The following LRRC8B variants were observed in gnomAD, a reference collection of about 807,000 sequenced individuals.
LRRC8B encodes the protein leucine rich repeat containing 8 VRAC subunit B.
Under a neutral mutation model 58.8 loss-of-function variants are expected in LRRC8B, and 23 were observed. The observed-to-expected ratio is 0.39, with a 90% CI of 0.28 to 0.55. The LOEUF (loss-of-function observed/expected upper bound fraction) is 0.55. Ranked by LOEUF, LRRC8B falls within the 20% of genes least tolerant of loss-of-function variation. LRRC8B has a pLI of 0.62. For missense variants in LRRC8B, 694 were observed against 936.0 expected (o/e 0.74, Z 3.37); for synonymous variants, 359 against 374.1 (o/e 0.96, Z 0.47).
rs1335091104 is a variant in LRRC8B at position 89,593,621 on chromosome 1, A to G, written c.*578A>G. On this transcript the variant is annotated 3_prime_UTR_variant, in exon 6 of 6. Coordinates refer to ENST00000330947, the MANE Select transcript of LRRC8B (RefSeq NM_001369817.2). ...GCACATCCAGGGTGGACTGGGAGCT[A>G]TGAAATGACTAAATTCCTCCTTGCA... The G allele has an allele frequency of 6.6e-6, 1 of 152,464 alleles. No individual in the cohort carries two copies. Among genetic ancestry groups the G allele is most frequent in the Non-Finnish European group, 1.5e-5 (1 of 68,232 alleles). The allele number at this position is 152,464 out of a possible 1,614,324, so 9.4% of individuals were successfully genotyped here.
rs772553099 is a variant in LRRC8B, at chr1:89,584,124, C to T, written c.1474C>T (p.Leu492Phe). 11 of 1,613,346 alleles carry T rather than the reference C, an allele frequency of 6.8e-6. No homozygotes were observed. In the South Asian group the frequency reaches 1.1e-4, roughly 16 times the overall value. Residue 492 changes from leucine to phenylalanine, a missense_variant, in exon 5 of 6, where the codon CTC (leucine) becomes TTC (phenylalanine). Around this residue, in one of 5 missense-constraint regions of LRRC8B, gnomAD observed 162 missense variants for 198.5 expected, o/e 0.82. Transcript: ENST00000330947. ...CTTTCTAGAGGAGAATTTAAAAATC[C>T]TCCGCCTGAAATTTACTGAAATGGG... ...LAFLEENLKILRLKFTEMGKI... is the reference protein window; with the variant it reads ...LAFLEENLKIFRLKFTEMGKI...
chr1:89,552,466 T>TA (rs1651895124), intron 1 of LRRC8B, among the ~76,000 whole-genome samples: 1 of 152,202 alleles, frequency 6.6e-6, no homozygotes, highest in South Asian at 2.1e-4. Flanking sequence ...GTTAGGTACT[T>TA]ATAATAACTC....
At chr1:89,561,598 C>T (rs1282098068) in intron 1 of LRRC8B, among the ~76,000 whole-genome samples, 1 of 94,584 alleles carries the variant, frequency 1.1e-5, no homozygotes, top group Non-Finnish European at 2.1e-5. Flanking sequence ...TTTCAGCTTC[C>T]TACATATGGC....
chr1:89,545,606 A>G (rs910008583), intron 1 of LRRC8B, among the ~76,000 whole-genome samples: 24 of 152,244 alleles, frequency 1.6e-4, no homozygotes, highest in Admixed American at 4.6e-4. Flanking sequence ...AATAAACTCT[A>G]TAAAACCAAT....
intron 1 of LRRC8B, among the ~76,000 whole-genome samples, chr1:89,530,299 C>T (rs1169571374): frequency 6.6e-6 from 1 of 151,740 alleles, no homozygotes; most frequent in Non-Finnish European, 1.5e-5. Context: ...GCGGAGCTTG[C>T]AGTGAGCCGA....
chr1:89,538,492 G>T (rs1408883215), intron 1 of LRRC8B, among the ~76,000 whole-genome samples: 1 of 152,052 alleles, frequency 6.6e-6, no homozygotes, highest in African/African-American at 2.4e-5. Flanking sequence ...TTTCCTTTGG[G>T]GACATTTTAT....
intron 1 of LRRC8B, among the ~76,000 whole-genome samples, chr1:89,529,107 T>C (rs1376979844): frequency 6.6e-6 from 1 of 152,222 alleles, no homozygotes. Flanking sequence ...TAGTATTGTC[T>C]TTCTCACAGG....
chr1:89,567,348 ATTTAC>A (rs1653123122), intron 1 of LRRC8B, among the ~76,000 whole-genome samples: 1 of 152,120 alleles, frequency 6.6e-6, no homozygotes, highest in African/African-American at 2.4e-5. Context: ...ATATTTTGTT[ATTTAC>A]TTTACTTGAC....
At position 89,595,128 on chromosome 1, in the gene LRRC8B, C is replaced by T. The variant is rs1163483927; in HGVS notation, c.*2085C>T. 1.3e-5 allele frequency: 2 copies of T among 152,016 alleles called. No individual in the cohort carries two copies. Among genetic ancestry groups the T allele is most frequent in the African/African-American group, 4.8e-5 (2 of 41,392 alleles). 9.4% of individuals were successfully genotyped at this position (152,016 alleles called of 1,614,324 possible). A position where few individuals can be genotyped will look rare whatever the true frequency, so the allele number is the denominator to read the frequency against. On this transcript the variant is annotated 3_prime_UTR_variant, in exon 6 of 6. Coordinates refer to ENST00000330947, the MANE Select transcript of LRRC8B (RefSeq NM_001369817.2). ...CTCACACATTATTGTTTATTCTGAA[C>T]GGAAAGGAACAGTGTAAAAATAAAC... is the stretch of plus-strand genomic sequence containing the variant.
Position 89,583,319 on chromosome 1 carries a change from C to T in LRRC8B, c.669C>T (p.Ser223=). 1.2e-6 allele frequency: 2 copies of T among 1,614,196 alleles called. No homozygotes were observed. Among genetic ancestry groups the T allele is most frequent in the South Asian group, 1.1e-5 (1 of 91,084 alleles). ...LESAGIESPT[S]SVLDKKEGEQ... ...CAGCTGGCATAGAAAGCCCAACTTC[C>T]AGTGTCCTGGACAAGAAGGAGGGTG... Residue 223 remains serine (S), a synonymous_variant, in exon 5 of 6, where the codon TCC becomes TCT. Coordinates refer to ENST00000330947, the MANE Select transcript of LRRC8B (RefSeq NM_001369817.2). This position sits in a 1 kb window ranked among gnomAD's most constrained non-coding sequence, Gnocchi z 5.2.
chr1:89,528,041 A>G (rs1012995024), intron 1 of LRRC8B, among the ~76,000 whole-genome samples: 3 of 152,140 alleles, frequency 2.0e-5, no homozygotes, highest in Non-Finnish European at 4.4e-5. Flanking sequence ...TGCTTTTGAT[A>G]TGGGTCATGT....
intron 3 of LRRC8B, among the ~76,000 whole-genome samples, chr1:89,577,074 A>G (rs1037236763): frequency 6.6e-6 from 1 of 152,292 alleles, no homozygotes; most frequent in East Asian, 1.9e-4. Flanking sequence ...TTTTGAAGGG[A>G]TATAAGGTGA....
At chr1:89,539,398 A>G (rs1650783514) in intron 1 of LRRC8B, among the ~76,000 whole-genome samples, 1 of 152,198 alleles carries the variant, frequency 6.6e-6, no homozygotes, top group African/African-American at 2.4e-5. Context: ...CTAAAAAGAG[A>G]TCTAGGATTT....
chr1:89,546,702 C>T (rs139751387), intron 1 of LRRC8B, among the ~76,000 whole-genome samples: 194 of 152,308 alleles, frequency 1.3e-3, no homozygotes, highest in Middle Eastern at 6.8e-3. Flanking sequence ...ACTCAACCTC[C>T]TGGCAACAGA....
chr1:89,571,703 G>A (rs186768291), intron 3 of LRRC8B, among the ~76,000 whole-genome samples: 5 of 152,110 alleles, frequency 3.3e-5, no homozygotes, highest in South Asian at 4.2e-4. Context: ...CTGATTGCCC[G>A]GCAAAGACTT....
intron 5 of LRRC8B, 102 bp downstream of exon 5, chr1:89,584,891 C>A: frequency 1.2e-6 from 1 of 815,736 alleles, no homozygotes; most frequent in Non-Finnish European, 1.9e-6. Context: ...TGTTCTCAAG[C>A]CAAGCCCAAT....
chr1:89,592,714 C>G (rs1371494111), intron 5 of LRRC8B, 57 bp from the exon 6 acceptor site: 2 of 1,341,164 alleles, frequency 1.5e-6, no homozygotes, highest in Non-Finnish European at 2.1e-6. Flanking sequence ...AGGTAAATGT[C>G]TTATCATAAG....
chr1:89,554,566 A>G (rs953422209), intron 1 of LRRC8B, among the ~76,000 whole-genome samples: 3 of 152,156 alleles, frequency 2.0e-5, no homozygotes, highest in African/African-American at 7.2e-5. Flanking sequence ...CAGAAACTTC[A>G]TCATGATTGT....
At chr1:89,527,515 A>C (rs1335563466) in intron 1 of LRRC8B, among the ~76,000 whole-genome samples, 1 of 152,246 alleles carries the variant, frequency 6.6e-6, no homozygotes, top group Non-Finnish European at 1.5e-5. Flanking sequence ...ACCTGTGACC[A>C]TTCAAGAGGA....
Sources: gnomAD v4.1 joint callset for allele counts (sites outside exome capture counted in the v4.1 genomes callset) on GRCh38, gnomAD v4.1.1 for gene constraint, gnomAD v4.1.1 regional missense constraint, Gnocchi (gnomAD v3.1) non-coding constraint, MANE v1.5 for transcripts, NCBI Gene and HGNC (gene_info 2026-07-23, HGNC 2026-07-21) for gene names.